Variants in TOP6BL observed in about 807,000 individuals in gnomAD.
The protein encoded by TOP6BL is TOP6B like initiator of meiotic double strand breaks.
the TOP6BL span, among the ~76,000 whole-genome samples, chr11:66,836,168 T>C: frequency 6.6e-6 from 1 of 152,250 alleles, no homozygotes; most frequent in Non-Finnish European, 1.5e-5. Flanking sequence ...TTATTGGCCA[T>C]TTGTATATCT....
chr11:66,843,514 C>A, the TOP6BL span: 2 of 1,496,630 alleles, frequency 1.3e-6, no homozygotes, highest in Non-Finnish European at 1.8e-6. Context: ...CCGGAGCGGC[C>A]GCCCGAGTCG....
At chr11:66,748,960 A>G in the TOP6BL span, among the ~76,000 whole-genome samples, 1 of 148,436 alleles carries the variant, frequency 6.7e-6, no homozygotes, top group African/African-American at 2.5e-5. Context: ...TCATGCTTTT[A>G]TCATTTTTGC....
the TOP6BL span, among the ~76,000 whole-genome samples, chr11:66,765,782 C>T: frequency 6.6e-6 from 1 of 152,232 alleles, no homozygotes; most frequent in Non-Finnish European, 1.5e-5. Context: ...TCCCAAAGTG[C>T]TGGGATTACA....
the TOP6BL span, among the ~76,000 whole-genome samples, chr11:66,790,129 G>A: frequency 6.6e-6 from 1 of 151,942 alleles, no homozygotes. Context: ...AAAATTAGCC[G>A]GGTGTGGTGG....
the TOP6BL span, chr11:66,748,303 A>C: frequency 8.6e-7 from 1 of 1,157,532 alleles, no homozygotes; most frequent in South Asian, 1.8e-5. Context: ...TTACTAATTT[A>C]ACTGGGTCAT....
At chr11:66,768,815 CAT>C in the TOP6BL span, among the ~76,000 whole-genome samples, 1 of 152,108 alleles carries the variant, frequency 6.6e-6, no homozygotes, top group Non-Finnish European at 1.5e-5. Context: ...CCAACCCTGA[CAT>C]ATTCCTTTTC....
chr11:66,827,069 C>T, the TOP6BL span, among the ~76,000 whole-genome samples: 5 of 150,332 alleles, frequency 3.3e-5, no homozygotes, highest in Admixed American at 3.3e-4. Context: ...ACAACCTCTG[C>T]CTCCCAGGTT....
At chr11:66,761,974 C>G in the TOP6BL span, 1 of 1,566,426 alleles carries the variant, frequency 6.4e-7, no homozygotes, top group Non-Finnish European at 8.8e-7. Context: ...GAGGGTTCCT[C>G]CTCACCATCA....
At chr11:66,831,168 A>G in the TOP6BL span, among the ~76,000 whole-genome samples, 132 of 152,364 alleles carry the variant, frequency 8.7e-4, no homozygotes, top group African/African-American at 3.0e-3. Context: ...GAAATGGAAA[A>G]TGGTACAAGC....
chr11:66,769,688 C>A, the TOP6BL span, among the ~76,000 whole-genome samples: 2 of 151,742 alleles, frequency 1.3e-5, no homozygotes, highest in African/African-American at 4.8e-5. Flanking sequence ...GAGGGTTGGG[C>A]CTTCATGAGA....
chr11:66,745,309 C>CGGGG, the TOP6BL span, among the ~76,000 whole-genome samples: 1 of 11,812 alleles, frequency 8.5e-5, no homozygotes, highest in Non-Finnish European at 1.9e-4. Context: ...CGTTGCGGGG[C>CGGGG]GGGGTGGGGG....
chr11:66,828,121 C>T, the TOP6BL span: 2 of 606,046 alleles, frequency 3.3e-6, no homozygotes, highest in Non-Finnish European at 5.9e-6. Context: ...TCTCTACTGC[C>T]TTCATGAAAA....
At chr11:66,837,510 T>C in the TOP6BL span, among the ~76,000 whole-genome samples, 15 of 150,112 alleles carry the variant, frequency 1.0e-4, no homozygotes, top group East Asian at 2.9e-3. Context: ...AATGGCGTGA[T>C]CTCAGCTCAC....
the TOP6BL span, among the ~76,000 whole-genome samples, chr11:66,745,858 T>A: frequency 6.6e-6 from 1 of 152,246 alleles, no homozygotes; most frequent in African/African-American, 2.4e-5. Context: ...TCGCCCAGGC[T>A]GGAGTGCAGT....
At chr11:66,809,253 ATCAG>A in the TOP6BL span, among the ~76,000 whole-genome samples, 1 of 152,252 alleles carries the variant, frequency 6.6e-6, no homozygotes, top group Non-Finnish European at 1.5e-5. Context: ...GAATCTTAAA[ATCAG>A]TCAGGAGGAC....
At chr11:66,780,988 C>T in the TOP6BL span, among the ~76,000 whole-genome samples, 1 of 152,014 alleles carries the variant, frequency 6.6e-6, no homozygotes, top group Non-Finnish European at 1.5e-5. Context: ...TTATCTTTAT[C>T]TTTGGTTTTT....
At chr11:66,836,700 A>ATTTTT in the TOP6BL span, among the ~76,000 whole-genome samples, 2 of 107,652 alleles carry the variant, frequency 1.9e-5, no homozygotes, top group Non-Finnish European at 1.8e-5. Context: ...AGAAAATATG[A>ATTTTT]TTTTTTTTTT....
the TOP6BL span, among the ~76,000 whole-genome samples, chr11:66,777,057 CTATATCTATATATCTATATCTATA>C: frequency 7.3e-5 from 11 of 150,060 alleles, no homozygotes; most frequent in Admixed American, 4.0e-4. Context: ...ATCTATATAT[CTATATCTATATATCTATATCTATA>C]TATATCTATA....
At chr11:66,822,703 T>G in the TOP6BL span, 1 of 1,468,056 alleles carries the variant, frequency 6.8e-7, no homozygotes. Flanking sequence ...TTGGGGATGC[T>G]TAAAAGTGCC....
Sources: allele counts gnomAD v4.1 joint callset (sites outside exome capture counted in the v4.1 genomes callset), GRCh38; gene constraint gnomAD v4.1.1; transcripts MANE v1.5; gene names NCBI Gene and HGNC (gene_info 2026-07-23, HGNC 2026-07-21).